ZCWPW2: variants seen among roughly 807,000 people sequenced by gnomAD.
The protein encoded by ZCWPW2 is zinc finger CW-type and PWWP domain containing 2.
ZCWPW2 carries 45 observed loss-of-function variants against 46.6 expected under a neutral mutation model. The ratio of observed to expected loss-of-function variants is 0.96; its 90% confidence interval spans 0.76 to 1.24. ZCWPW2 has a LOEUF of 1.24. Among genes scored for constraint, ZCWPW2 ranks in the 50% most tolerant of loss-of-function variants. The pLI is 0.00. For synonymous variants in ZCWPW2, 152 were observed against 137.1 expected (o/e 1.11, Z -0.76); for missense variants, 429 against 403.9 (o/e 1.06, Z -0.53).
At chr3:28,360,254 C>G (rs1390240770) in intron 1 of ZCWPW2, among the ~76,000 whole-genome samples, 5 of 150,670 alleles carry the variant, frequency 3.3e-5, no homozygotes, top group Non-Finnish European at 5.9e-5. Flanking sequence ...GCCTGTAATT[C>G]CAGCACTTTG....
intron 4 of ZCWPW2, among the ~76,000 whole-genome samples, chr3:28,457,107 G>T (rs180888932): frequency 6.6e-6 from 1 of 152,168 alleles, no homozygotes; most frequent in East Asian, 1.9e-4. Context: ...TCTAGTAAAG[G>T]ATCAGGTCCG....
chr3:28,350,265 A>T (rs1166565662), intron 1 of ZCWPW2, among the ~76,000 whole-genome samples: 1 of 152,252 alleles, frequency 6.6e-6, no homozygotes, highest in Non-Finnish European at 1.5e-5. Context: ...TATTAGAAAT[A>T]AAGTGGTAAC....
chr3:28,518,397 T>A (rs1260884553), intron 8 of ZCWPW2, among the ~76,000 whole-genome samples: 1 of 152,166 alleles, frequency 6.6e-6, no homozygotes, highest in Admixed American at 6.5e-5. Context: ...CCAATTTTGA[T>A]AACATAGTTT....
At chr3:28,520,784 A>G (rs1351297457) in intron 8 of ZCWPW2, among the ~76,000 whole-genome samples, 2 of 152,192 alleles carry the variant, frequency 1.3e-5, no homozygotes, top group African/African-American at 2.4e-5. Flanking sequence ...TATCACCTAC[A>G]TTTTTCAAGG....
At chr3:28,368,221 A>G (rs1443924627) in intron 1 of ZCWPW2, among the ~76,000 whole-genome samples, 1 of 152,128 alleles carries the variant, frequency 6.6e-6, no homozygotes, top group Non-Finnish European at 1.5e-5. Flanking sequence ...TCCTTAGTTG[A>G]TGCAGTTTCT....
intron 3 of ZCWPW2, among the ~76,000 whole-genome samples, chr3:28,423,086 G>T (rs920729437): frequency 1.3e-5 from 2 of 151,946 alleles, no homozygotes; most frequent in Admixed American, 1.3e-4. Flanking sequence ...AGAGTTCTTT[G>T]TATATTTTGG....
chr3:28,461,004 C>T (rs1166312676), intron 4 of ZCWPW2: 2 of 266,380 alleles, frequency 7.5e-6, no homozygotes, highest in Non-Finnish European at 1.7e-5. Flanking sequence ...CATGTTGCTA[C>T]AGACATATAA....
chr3:28,500,710 G>A (rs912780759), intron 6 of ZCWPW2, among the ~76,000 whole-genome samples: 2 of 152,122 alleles, frequency 1.3e-5, no homozygotes, highest in Non-Finnish European at 2.9e-5. Flanking sequence ...TAGATGTCTG[G>A]ATATTTGTGG....
At chr3:28,504,144 C>T (rs1410853999) in intron 6 of ZCWPW2, among the ~76,000 whole-genome samples, 1 of 151,982 alleles carries the variant, frequency 6.6e-6, no homozygotes, top group Non-Finnish European at 1.5e-5. Context: ...CTACAGTGAG[C>T]CAAGATTGCG....
chr3:28,420,132 A>T (rs1234509521), intron 3 of ZCWPW2, among the ~76,000 whole-genome samples: 1 of 148,798 alleles, frequency 6.7e-6, no homozygotes, highest in African/African-American at 2.5e-5. Flanking sequence ...TTGTGTCTGT[A>T]TTTCCTTCAG....
intron 4 of ZCWPW2, among the ~76,000 whole-genome samples, chr3:28,442,413 T>C (rs1161425581): frequency 2.6e-5 from 4 of 151,850 alleles, no homozygotes; most frequent in African/African-American, 9.7e-5. Flanking sequence ...GTTTGCTACT[T>C]CTTGCTCACT....
intron 2 of ZCWPW2, among the ~76,000 whole-genome samples, chr3:28,400,321 T>C (rs1317569521): frequency 6.6e-6 from 1 of 152,096 alleles, no homozygotes; most frequent in African/African-American, 2.4e-5. Context: ...GAATAATTGG[T>C]GTTCCTAAGG....
chr3:28,356,401 T>TG (rs1476769591), intron 1 of ZCWPW2, among the ~76,000 whole-genome samples: 2 of 152,218 alleles, frequency 1.3e-5, no homozygotes, highest in African/African-American at 4.8e-5. Flanking sequence ...TTTACACTGT[T>TG]GGTGGGACTG....
chr3:28,384,610 C>CTTTTTTTTTTTTTTTTTTTTTT (rs201820223), intron 1 of ZCWPW2, among the ~76,000 whole-genome samples: 2 of 143,528 alleles, frequency 1.4e-5, no homozygotes, highest in Non-Finnish European at 1.5e-5. Context: ...ACCAATCTTT[C>CTTTTTTTTTTTTTTTTTTTTTT]TTTCTTTTTT....
At chr3:28,414,340 T>C (rs1375114134) in intron 3 of ZCWPW2, among the ~76,000 whole-genome samples, 1 of 151,922 alleles carries the variant, frequency 6.6e-6, no homozygotes, top group African/African-American at 2.4e-5. Flanking sequence ...CAAATCTTTT[T>C]CTCTTTCTTT....
In ZCWPW2 at chr3:28,382,600, A is replaced by G. The variant is rs187822350; in HGVS notation, c.-133-7898A>G. ...TGTTTTGAATACTTACTATTGTGCCAAAGACAATTTATAGAATCCTTTTAT... is the reference window on the plus strand; with the variant it reads ...TGTTTTGAATACTTACTATTGTGCCGAAGACAATTTATAGAATCCTTTTAT... On this transcript the variant is annotated intron_variant, in intron 1 of 9. Transcript: ENST00000383768. Among the ~76,000 whole-genome samples, 6 of 152,310 alleles carry G rather than the reference A, an allele frequency of 3.9e-5. No individual in the cohort carries two copies. In the East Asian group the frequency reaches 1.2e-3, roughly 29 times the overall value.
intron 3 of ZCWPW2, among the ~76,000 whole-genome samples, chr3:28,431,790 A>G (rs769650612): frequency 5.9e-5 from 9 of 152,212 alleles, no homozygotes; most frequent in Non-Finnish European, 8.8e-5. Context: ...TGGTGCCTGT[A>G]TTAGTTTGTT....
intron 4 of ZCWPW2, among the ~76,000 whole-genome samples, chr3:28,467,604 G>T (rs1006002871): frequency 6.6e-6 from 1 of 152,180 alleles, no homozygotes; most frequent in African/African-American, 2.4e-5. Context: ...CCACAAGGGT[G>T]CTTGTGTCAC....
At chr3:28,506,349 G>A (rs1700277728) in intron 6 of ZCWPW2, among the ~76,000 whole-genome samples, 1 of 151,934 alleles carries the variant, frequency 6.6e-6, no homozygotes, top group African/African-American at 2.4e-5. Flanking sequence ...CAGTCCCAGA[G>A]TATCTGATTC....
Sources: gnomAD v4.1 joint callset for allele counts (sites outside exome capture counted in the v4.1 genomes callset) on GRCh38, gnomAD v4.1.1 for gene constraint, MANE v1.5 for transcripts, NCBI Gene and HGNC (gene_info 2026-07-23, HGNC 2026-07-21) for gene names.